The following TRPS1 variants were observed in gnomAD, a reference collection of about 807,000 sequenced individuals.
TRPS1 encodes zinc finger transcription factor Trps1.
A neutral mutation model predicts 101.2 loss-of-function variants in TRPS1; 6 were observed. That is an observed-to-expected ratio of 0.06 (90% CI 0.03 to 0.12). The LOEUF is 0.12. Among genes scored for constraint, TRPS1 ranks in the 10% least tolerant of loss-of-function variants. The probability of loss-of-function intolerance (pLI) is 1.00; values close to 1 mark genes in which losing one functional copy is unlikely to be tolerated. For missense variants in TRPS1, 1,363 were observed against 1,567.0 expected, an observed-to-expected ratio of 0.87 and a Z score of 2.20; for synonymous variants, 578 against 589.8, an observed-to-expected ratio of 0.98 and a Z score of 0.29.
chr8:115,579,292 T>C lies in TRPS1; in HGVS notation c.2700+7709A>G, dbSNP rs187464687. Among the ~76,000 whole-genome samples, 684 of 152,256 alleles carry C rather than the reference T, an allele frequency of 4.5e-3. 8 individuals are homozygous for C. The highest frequency in any genetic ancestry group is 6.4e-3 in the Non-Finnish European group (438 of 67,958). On this transcript the variant is annotated intron_variant, in intron 5 of 6. Coordinates refer to ENST00000395715, the MANE Select transcript of TRPS1 (RefSeq NM_014112.5). Reference sequence around the variant, plus strand: ...GTTTTAAAGTAGTTTCACCAGATTTTCTTTTCTTCATTAAGAATTCAAATT... The same window carrying C: ...GTTTTAAAGTAGTTTCACCAGATTTCCTTTTCTTCATTAAGAATTCAAATT...
At chr8:115,623,833 A>G in intron 1 of TRPS1, 75 bp from the exon 2 acceptor site, 1 of 1,324,986 alleles carries the variant, frequency 7.5e-7, no homozygotes, top group Non-Finnish European at 9.8e-7. Context: ...CACCTAAAAT[A>G]TATTAATATG....
intron 5 of TRPS1, among the ~76,000 whole-genome samples, chr8:115,557,329 G>GT (rs1410947349): frequency 1.3e-5 from 2 of 152,058 alleles, no homozygotes; most frequent in African/African-American, 4.8e-5. Flanking sequence ...TCAAAAGATG[G>GT]TAAGTCATGA....
intron 5 of TRPS1, among the ~76,000 whole-genome samples, chr8:115,540,882 C>T (rs1476786128): frequency 6.6e-6 from 1 of 151,884 alleles, no homozygotes; most frequent in African/African-American, 2.4e-5. Context: ...TTTTCAAATG[C>T]TTATGATCTT....
At chr8:115,432,346 T>C (rs1449462836) in intron 5 of TRPS1, among the ~76,000 whole-genome samples, 3 of 151,816 alleles carry the variant, frequency 2.0e-5, no homozygotes, top group African/African-American at 7.2e-5. Context: ...AGATTTTACA[T>C]AGGCCATCCT....
intron 1 of TRPS1, among the ~76,000 whole-genome samples, chr8:115,632,578 A>G (rs1818671502): frequency 6.6e-6 from 1 of 152,196 alleles, no homozygotes; most frequent in South Asian, 2.1e-4. Context: ...CAGCAGTAGA[A>G]TAGATTTTTT....
chr8:115,635,390 T>C (rs1421919036), intron 1 of TRPS1, among the ~76,000 whole-genome samples: 6 of 152,100 alleles, frequency 3.9e-5, no homozygotes, highest in Non-Finnish European at 8.8e-5. Flanking sequence ...ACTGACCAAG[T>C]GATATGATAA....
chr8:115,551,562 C>G (rs1197045995), intron 5 of TRPS1, among the ~76,000 whole-genome samples: 3 of 152,130 alleles, frequency 2.0e-5, no homozygotes, highest in Admixed American at 2.0e-4. Context: ...GGATAACTCA[C>G]ATGTTTTACG....
At chr8:115,553,114 C>T (rs1168234123) in intron 5 of TRPS1, among the ~76,000 whole-genome samples, 6 of 152,068 alleles carry the variant, frequency 3.9e-5, no homozygotes, top group African/African-American at 1.2e-4. Context: ...TTTAAGTTTA[C>T]ATAAAACCTT....
intron 5 of TRPS1, among the ~76,000 whole-genome samples, chr8:115,486,794 G>T (rs759156631): frequency 3.3e-5 from 5 of 152,176 alleles, no homozygotes; most frequent in Admixed American, 1.3e-4. Context: ...TAATCTAGCA[G>T]AGGTTGGTTC....
chr8:115,563,234 G>A, intron 5 of TRPS1, among the ~76,000 whole-genome samples: 1 of 151,938 alleles, frequency 6.6e-6, no homozygotes, highest in East Asian at 1.9e-4. Flanking sequence ...GCGGGTGAGG[G>A]TGTTCTTAGG....
rs916357293 is a variant in TRPS1 at position 115,667,991 on chromosome 8, C to T, written c.-122+554G>A. 7.2e-6 allele frequency: 9 copies of T among 1,250,594 alleles called. No individual in the cohort carries two copies. The South Asian group carries it at 1.2e-4, about 16-fold the overall frequency. The allele number at this position is 1,250,594 out of a possible 1,614,324, so 77.5% of individuals were successfully genotyped here. On this transcript the variant is annotated intron_variant, in intron 1 of 6. Transcript: ENST00000395715. The stretch of plus-strand genomic sequence containing the variant: ...AACCACCTCCAGCTCCTCCGCTGCG[C>T]CCGGTAGGAGAGAATTAAAATCAGC...
intron 1 of TRPS1, among the ~76,000 whole-genome samples, chr8:115,647,618 TGTAA>T (rs1811445320): frequency 6.6e-6 from 1 of 152,194 alleles, no homozygotes; most frequent in Non-Finnish European, 1.5e-5. Context: ...AGAATGTTTG[TGTAA>T]GTAAATATAC....
Position 115,599,361 on chromosome 8 carries a change from T to C in TRPS1, c.2096+4512A>G, listed in dbSNP as rs568192724. On this transcript the variant is annotated intron_variant, in intron 4 of 6. Transcript: ENST00000395715. ...ATTTTACTTTAAGTTTTGGGGTACA[T>C]GTGCAGACCGTGCAGGTTTGTTACA... Among the ~76,000 whole-genome samples the C allele has an allele frequency of 1.1e-4, 16 of 152,252 alleles. 1 individual carries two copies. In the South Asian group the frequency reaches 2.9e-3, roughly 28 times the overall value.
At position 115,535,293 on chromosome 8, in the gene TRPS1, T is replaced by TAGCATAAATATAGCATATATAG. The variant is rs1816274651; in HGVS notation, c.2700+51707_2700+51708insCTATATATGCTATATTTATGCT. Among the ~76,000 whole-genome samples, 2 of 106,488 alleles carry TAGCATAAATATAGCATATATAG rather than the reference T, an allele frequency of 1.9e-5. 1 individual carries two copies. Among genetic ancestry groups the TAGCATAAATATAGCATATATAG allele is most frequent in the African/African-American group, 6.6e-5 (2 of 30,288 alleles). 69.9% of individuals were successfully genotyped at this position (106,488 alleles called of 152,430 possible). A position where few individuals can be genotyped will look rare whatever the true frequency, so the allele number is the denominator to read the frequency against. The stretch of plus-strand genomic sequence containing the variant: ...ATATATAGCATATATAGCATATATA[T>TAGCATAAATATAGCATATATAG]AGCATATATATAGCATATATAGCAT... On this transcript the variant is annotated intron_variant, in intron 5 of 6. Transcript: ENST00000395715.
At chr8:115,425,072 T>C in intron 5 of TRPS1, among the ~76,000 whole-genome samples, 1 of 152,124 alleles carries the variant, frequency 6.6e-6, no homozygotes. Context: ...TGGTTTGCAA[T>C]AAACACCTTT....
At chr8:115,435,907 A>C (rs1033054741) in intron 5 of TRPS1, among the ~76,000 whole-genome samples, 2 of 151,910 alleles carry the variant, frequency 1.3e-5, no homozygotes, top group African/African-American at 4.8e-5. Flanking sequence ...TACATGAAGC[A>C]ATTAAGAGAA....
At chr8:115,548,891 T>C (rs1816640202) in intron 5 of TRPS1, among the ~76,000 whole-genome samples, 1 of 152,172 alleles carries the variant, frequency 6.6e-6, no homozygotes, top group Non-Finnish European at 1.5e-5. Context: ...CCTGATCTCC[T>C]TTTTCTCTCC....
At chr8:115,566,958 C>G (rs1315850320) in intron 5 of TRPS1, among the ~76,000 whole-genome samples, 1 of 152,100 alleles carries the variant, frequency 6.6e-6, no homozygotes, top group East Asian at 1.9e-4. Context: ...AATAATCATT[C>G]TAATACCATA....
chr8:115,551,884 G>A (rs1258340727), intron 5 of TRPS1, among the ~76,000 whole-genome samples: 1 of 152,170 alleles, frequency 6.6e-6, no homozygotes, highest in African/African-American at 2.4e-5. Context: ...TAACATAGCA[G>A]AAAAGCAGGC....
Sources: gnomAD v4.1 joint callset for allele counts (sites outside exome capture counted in the v4.1 genomes callset) on GRCh38, gnomAD v4.1.1 for gene constraint, MANE v1.5 for transcripts, NCBI Gene and HGNC (gene_info 2026-07-23, HGNC 2026-07-21) for gene names.